Variants in CACNA1C observed in about 807,000 individuals in gnomAD.
CACNA1C encodes the protein calcium voltage-gated channel subunit alpha1 C, also known as voltage-dependent L-type calcium channel subunit alpha-1C.
In CACNA1C, 30 loss-of-function variants were observed where a neutral mutation model predicts 229.0. The observed-to-expected ratio is 0.13, with a 90% CI of 0.10 to 0.18. The LOEUF (loss-of-function observed/expected upper bound fraction) is 0.18, where lower values mean the gene tolerates loss of function less well. Ranked by LOEUF, CACNA1C falls within the 10% of genes least tolerant of loss-of-function variation. CACNA1C has a pLI of 1.00. For synonymous variants in CACNA1C, 1,114 were observed against 1,132.5 expected (o/e 0.98, Z 0.33); for missense variants, 1,658 against 2,845.0 (o/e 0.58, Z 9.49).
In CACNA1C at chr12:2,290,143, A is replaced by G. The variant is rs146204299; in HGVS notation, c.478-158833A>G. ...AAACTGCCCTCGCTCTGAAGATTCA[A>G]TGTTTTAATTGGCCCGGCAGAGCTG... On this transcript the variant is annotated intron_variant, in intron 3 of 46. Transcript: ENST00000399655. Among the ~76,000 whole-genome samples the G allele has an allele frequency of 4.5e-3, 684 of 152,298 alleles. 5 individuals carry two copies. Among genetic ancestry groups the G allele is most frequent in the Admixed American group, 0.011 (172 of 15,304 alleles).
In CACNA1C at chr12:2,275,323, C is replaced by T. The variant is rs1039490774; in HGVS notation, c.477+154893C>T. 6.6e-6 allele frequency among the ~76,000 whole-genome samples: 1 copy of T among 152,154 alleles called. No individual in the cohort carries two copies. Among genetic ancestry groups the T allele is most frequent in the Non-Finnish European group, 1.5e-5 (1 of 68,020 alleles). ...GGAGAGGCATGACTATGTGTCTCTGCCTGTCTGTGGACCCCGACTCCTCAC... is the reference window on the plus strand; with the variant it reads ...GGAGAGGCATGACTATGTGTCTCTGTCTGTCTGTGGACCCCGACTCCTCAC... On this transcript the variant is annotated intron_variant, in intron 3 of 46. Coordinates refer to ENST00000399655, the MANE Select transcript of CACNA1C (RefSeq NM_000719.7). This position sits in a 1 kb window ranked among gnomAD's most constrained non-coding sequence, Gnocchi z 4.1.
chr12:2,199,898 T>TA (rs1014449122), intron 3 of CACNA1C, among the ~76,000 whole-genome samples: 23 of 151,762 alleles, frequency 1.5e-4, no homozygotes, highest in African/African-American at 5.1e-4. Context: ...ATACCAATAA[T>TA]AAAAAAAAGT....
rs754527651 is a variant in CACNA1C at position 2,608,685 on chromosome 12, C to T, written c.3531C>T (p.Tyr1177=). The change falls in exon 27 of 47, where the codon TAC becomes TAT. Residue 1177 remains tyrosine, a synonymous_variant. Transcript: ENST00000399655. This position sits in a 1 kb window ranked among gnomAD's most constrained non-coding sequence, Gnocchi z 4.2. ...TTCAGGAGCAGGGGGAGCAGGAGTA[C>T]AAGAACTGTGAGCTGGACAAGAACC... The part of the protein sequence containing the change: ...VTFQEQGEQE[Y]KNCELDKNQR... The T allele has an allele frequency of 2.2e-5, 36 of 1,614,002 alleles. No homozygotes were observed. The highest frequency in any genetic ancestry group is 3.1e-5 in the Non-Finnish European group (36 of 1,180,002).
At chr12:2,490,571 C>T (rs1048739777) in intron 6 of CACNA1C, among the ~76,000 whole-genome samples, 19 of 152,330 alleles carry the variant, frequency 1.2e-4, no homozygotes, top group Admixed American at 9.1e-4. Flanking sequence ...TGGGTGACAA[C>T]CCAACATAAT....
intron 3 of CACNA1C, among the ~76,000 whole-genome samples, chr12:2,173,517 T>G (rs61909092): frequency 0.015 from 2,284 of 152,292 alleles, 21 homozygotes; most frequent in Non-Finnish European, 0.025. Flanking sequence ...TCACCTTACT[T>G]ATGATCTATG....
Position 2,696,866 on chromosome 12 carries a change from CTCTCCTGGCCAT to C in CACNA1C, c.*5669_*5680del, listed in dbSNP as rs556998544. ...GTTTCAGGGACCCCCTTGAAGAAAC[CTCTCCTGGCCAT>C]TGGCCAGGAGAAAAGAGAAGTCTCT... On this transcript the variant is annotated 3_prime_UTR_variant, in exon 47 of 47. Transcript: ENST00000399655. The C allele has an allele frequency of 1.3e-5, 2 of 152,084 alleles. No individual in the cohort carries two copies. Among genetic ancestry groups the C allele is most frequent in the Non-Finnish European group, 2.9e-5 (2 of 68,024 alleles). The allele number at this position is 152,084 out of a possible 1,614,324, so 9.4% of individuals were successfully genotyped here.
At chr12:2,383,161 G>A (rs2098292857) in intron 3 of CACNA1C, among the ~76,000 whole-genome samples, 6 of 152,198 alleles carry the variant, frequency 3.9e-5, no homozygotes, top group Admixed American at 3.3e-4. Context: ...TGCCTGGCTT[G>A]TAAGCACTAA....
intron 29 of CACNA1C, chr12:2,614,474 G>C (rs1486750351): frequency 6.6e-6 from 1 of 152,204 alleles, no homozygotes; most frequent in East Asian, 1.9e-4. Context: ...TTCACAAATA[G>C]ACTCCAGGTA....
chr12:2,558,877 T>TA (rs1376320881), intron 11 of CACNA1C, among the ~76,000 whole-genome samples: 3 of 152,036 alleles, frequency 2.0e-5, no homozygotes, highest in Non-Finnish European at 2.9e-5. Context: ...CTCATCTACA[T>TA]AAAACATCTA....
At chr12:2,412,514 G>A (rs2098819565) in intron 3 of CACNA1C, among the ~76,000 whole-genome samples, 2 of 152,262 alleles carry the variant, frequency 1.3e-5, no homozygotes, top group Admixed American at 1.3e-4. Flanking sequence ...CGCGGCCAGA[G>A]GCTCACACTG....
chr12:2,090,140 T>G (rs2069990639), intron 1 of CACNA1C, among the ~76,000 whole-genome samples: 1 of 152,174 alleles, frequency 6.6e-6, no homozygotes, highest in African/African-American at 2.4e-5. Context: ...TTTTTATGCA[T>G]TTGACTACTT....
intron 10 of CACNA1C, 46 bp downstream of exon 10, chr12:2,550,079 A>G (rs1268090652): frequency 1.0e-5 from 13 of 1,285,318 alleles, no homozygotes; most frequent in African/African-American, 1.5e-5. Flanking sequence ...TTTCTGGAGC[A>G]TGGGTGGAAA....
chr12:2,341,228 A>G (rs2096853174), intron 3 of CACNA1C, among the ~76,000 whole-genome samples: 1 of 152,158 alleles, frequency 6.6e-6, no homozygotes, highest in African/African-American at 2.4e-5. Context: ...TGGCTGTGTG[A>G]CTGGCAGGCG....
chr12:2,009,940 C>T (rs1348140126), intron 1 of CACNA1C, among the ~76,000 whole-genome samples: 1 of 151,958 alleles, frequency 6.6e-6, no homozygotes, highest in Admixed American at 6.6e-5. Flanking sequence ...AGAAAATGTA[C>T]CAGAAAAAGC....
At chr12:2,641,176 G>A (rs1351426410) in intron 30 of CACNA1C, among the ~76,000 whole-genome samples, 1 of 152,240 alleles carries the variant, frequency 6.6e-6, no homozygotes, top group Non-Finnish European at 1.5e-5. Flanking sequence ...ACACACCTTA[G>A]AGACCACCTA....
intron 3 of CACNA1C, among the ~76,000 whole-genome samples, chr12:2,400,782 G>A (rs773607909): frequency 6.6e-6 from 1 of 152,134 alleles, no homozygotes; most frequent in African/African-American, 2.4e-5. Context: ...GACAGTGCCT[G>A]ACACCTGGGC....
intron 1 of CACNA1C, among the ~76,000 whole-genome samples, chr12:2,037,454 C>T (rs11062086): frequency 0.22 from 33,301 of 152,100 alleles, 4,327 homozygotes; most frequent in African/African-American, 0.36. Context: ...AAAGTATCTT[C>T]GGGCCCCACT....
chr12:2,202,249 C>CT (rs1330841849), intron 3 of CACNA1C, among the ~76,000 whole-genome samples: 1 of 152,188 alleles, frequency 6.6e-6, no homozygotes, highest in South Asian at 2.1e-4. Flanking sequence ...TGAGCCCAGG[C>CT]TGCCATGTGG....
chr12:2,497,969 T>TCTCACACACACACA (rs145657634), intron 7 of CACNA1C, among the ~76,000 whole-genome samples: 6 of 143,916 alleles, frequency 4.2e-5, no homozygotes, highest in Admixed American at 1.4e-4. Flanking sequence ...TCTATTAAAT[T>TCTCACACACACACA]CACACACACA....
Sources: gnomAD v4.1 joint callset for allele counts (sites outside exome capture counted in the v4.1 genomes callset) on GRCh38, gnomAD v4.1.1 for gene constraint, Gnocchi (gnomAD v3.1) non-coding constraint, MANE v1.5 for transcripts, NCBI Gene and HGNC (gene_info 2026-07-23, HGNC 2026-07-21) for gene names.